HDAC4: variants seen among roughly 807,000 people sequenced by gnomAD.
HDAC4 encodes the protein histone deacetylase 4, also known as histone deacetylase A.
In HDAC4, 16 loss-of-function variants were observed where a neutral mutation model predicts 135.1. The observed-to-expected ratio is 0.12, with a 90% confidence interval of 0.08 to 0.18. The LOEUF is 0.18. Ranked by LOEUF, HDAC4 falls within the 10% of genes least tolerant of loss-of-function variation. The pLI is 1.00. For synonymous variants in HDAC4, 685 were observed against 653.4 expected (o/e 1.05, Z -0.74); for missense variants, 1,143 against 1,511.8 (o/e 0.76, Z 4.05).
intron 2 of HDAC4, among the ~76,000 whole-genome samples, chr2:239,289,301 GT>G (rs540129709): frequency 6.6e-6 from 1 of 152,176 alleles, no homozygotes. Flanking sequence ...GGTAGGGAAG[GT>G]TTTTTGGTGG....
intron 21 of HDAC4, 26 bp downstream of exon 21, chr2:239,082,076 C>T: frequency 1.2e-6 from 2 of 1,613,554 alleles, no homozygotes; most frequent in Non-Finnish European, 1.7e-6. Flanking sequence ...CCTTTCCCCC[C>T]AGAGGCCCTT....
chr2:239,399,067 A>G (rs923692088), intron 1 of HDAC4, among the ~76,000 whole-genome samples: 1 of 152,284 alleles, frequency 6.6e-6, no homozygotes, highest in Non-Finnish European at 1.5e-5. Context: ...CCTCCCACAC[A>G]AATGTGAGTT....
chr2:239,334,452 C>T (rs1292780665), intron 2 of HDAC4, among the ~76,000 whole-genome samples: 4 of 151,878 alleles, frequency 2.6e-5, no homozygotes, highest in Non-Finnish European at 4.4e-5. Flanking sequence ...GCCTGGGAGG[C>T]GGAGGTTGCA....
chr2:239,247,377 T>C (rs1398973988), intron 2 of HDAC4, among the ~76,000 whole-genome samples: 2 of 152,184 alleles, frequency 1.3e-5, no homozygotes, highest in African/African-American at 2.4e-5. Context: ...TGGGGTGGAA[T>C]ATCCCCCCTG....
intron 2 of HDAC4, among the ~76,000 whole-genome samples, chr2:239,324,773 G>A (rs1006931354): frequency 3.9e-5 from 6 of 152,244 alleles, no homozygotes; most frequent in Non-Finnish European, 7.3e-5. Context: ...AACAGAAGGG[G>A]GCGTGGGCGA....
chr2:239,221,952 C>A (rs752282473), intron 3 of HDAC4, among the ~76,000 whole-genome samples: 2 of 152,194 alleles, frequency 1.3e-5, no homozygotes, highest in Non-Finnish European at 2.9e-5. Context: ...AACAACGCAG[C>A]AAGCTTTACT....
At chr2:239,097,181 C>T (rs894955262) in intron 16 of HDAC4, among the ~76,000 whole-genome samples, 5 of 152,384 alleles carry the variant, frequency 3.3e-5, no homozygotes, top group Admixed American at 3.3e-4. Context: ...CCTGGCCTGG[C>T]TCCAAGGGCA....
chr2:239,346,087 C>A (rs910701555), intron 2 of HDAC4, among the ~76,000 whole-genome samples: 26 of 151,136 alleles, frequency 1.7e-4, no homozygotes, highest in Non-Finnish European at 3.4e-4. Context: ...TCACCCAACA[C>A]ACACACACCC....
At chr2:239,234,580 C>A (rs1398459487) in intron 3 of HDAC4, among the ~76,000 whole-genome samples, 1 of 152,210 alleles carries the variant, frequency 6.6e-6, no homozygotes. Context: ...AAAGCTGACA[C>A]ATATCTTTCA....
intron 1 of HDAC4, among the ~76,000 whole-genome samples, chr2:239,389,434 C>A (rs140049793): frequency 1.3e-5 from 2 of 152,144 alleles, no homozygotes; most frequent in Non-Finnish European, 2.9e-5. Flanking sequence ...GAAGAAACCC[C>A]GGACACATCT....
chr2:239,360,740 G>A (rs1253704316), intron 1 of HDAC4, among the ~76,000 whole-genome samples: 1 of 152,114 alleles, frequency 6.6e-6, no homozygotes, highest in South Asian at 2.1e-4. Flanking sequence ...CAGGGAGCGG[G>A]GACACCCGAG....
intron 1 of HDAC4, among the ~76,000 whole-genome samples, chr2:239,365,699 G>A (rs1260665371): frequency 6.6e-6 from 1 of 151,060 alleles, no homozygotes; most frequent in Non-Finnish European, 1.5e-5. Context: ...GTGGCACCAG[G>A]GGACACACAC....
intron 2 of HDAC4, chr2:239,298,099 A>G: frequency 2.5e-6 from 2 of 801,816 alleles, no homozygotes; most frequent in Non-Finnish European, 3.7e-6. Flanking sequence ...AAAATATTTC[A>G]CAGGATAAAA....
At chr2:239,362,590 C>G (rs1693933546) in intron 1 of HDAC4, among the ~76,000 whole-genome samples, 1 of 152,204 alleles carries the variant, frequency 6.6e-6, no homozygotes, top group South Asian at 2.1e-4. Flanking sequence ...AAGTGCCCAC[C>G]ATGGCCTCAG....
intron 13 of HDAC4, among the ~76,000 whole-genome samples, chr2:239,112,006 C>A (rs1442397722): frequency 2.0e-5 from 3 of 152,192 alleles, no homozygotes; most frequent in Non-Finnish European, 4.4e-5. Flanking sequence ...AACAGGATAA[C>A]ACAGGTTGAG....
chr2:239,283,097 A>C (rs2050915690), intron 2 of HDAC4, among the ~76,000 whole-genome samples: 1 of 152,232 alleles, frequency 6.6e-6, no homozygotes, highest in African/African-American at 2.4e-5. Flanking sequence ...TCGCTCGCCC[A>C]CAGTCAGCCA....
intron 2 of HDAC4, among the ~76,000 whole-genome samples, chr2:239,246,762 C>T (rs2048487984): frequency 6.6e-6 from 1 of 152,224 alleles, no homozygotes; most frequent in African/African-American, 2.4e-5. Context: ...GTGGCACAGG[C>T]CAGCTGAAGC....
At chr2:239,230,538 G>C (rs975565494) in intron 3 of HDAC4, among the ~76,000 whole-genome samples, 6 of 152,076 alleles carry the variant, frequency 3.9e-5, no homozygotes, top group South Asian at 2.1e-4. Flanking sequence ...AAGCAGTCAC[G>C]GCAGGCGCCG....
chr2:239,230,614 A>G (rs1330516279), intron 3 of HDAC4, among the ~76,000 whole-genome samples: 2 of 152,128 alleles, frequency 1.3e-5, no homozygotes, highest in Non-Finnish European at 1.5e-5. Flanking sequence ...CGTGGGGGCC[A>G]CTCGAGGAAC....
Sources: gnomAD v4.1 joint callset for allele counts (sites outside exome capture counted in the v4.1 genomes callset) on GRCh38, gnomAD v4.1.1 for gene constraint, MANE v1.5 for transcripts, NCBI Gene and HGNC (gene_info 2026-07-23, HGNC 2026-07-21) for gene names.